ZNF804A: variants seen among roughly 807,000 people sequenced by gnomAD.
The protein encoded by ZNF804A is zinc finger protein 804A.
ZNF804A carries 2 observed loss-of-function variants against 16.5 expected under a neutral mutation model. That is an observed-to-expected ratio of 0.12 (90% CI 0.05 to 0.38). ZNF804A has a LOEUF of 0.38. ZNF804A is among the 10% of genes least tolerant of loss of function. The probability of loss-of-function intolerance (pLI) is 0.99; values close to 1 mark genes in which losing one functional copy is unlikely to be tolerated. For missense variants in ZNF804A, 1,473 were observed against 1,390.7 expected (o/e 1.06, Z -0.94); for synonymous variants, 534 against 489.6 (o/e 1.09, Z -1.20).
chr2:184,633,126 A>C (rs1419996748), intron 1 of ZNF804A, among the ~76,000 whole-genome samples: 1 of 152,120 alleles, frequency 6.6e-6, no homozygotes, highest in Non-Finnish European at 1.5e-5. Context: ...AGTTTATTCT[A>C]TGATGTTTGC....
At chr2:184,878,000 A>T (rs1342529547) in intron 2 of ZNF804A, among the ~76,000 whole-genome samples, 1 of 152,124 alleles carries the variant, frequency 6.6e-6, no homozygotes, top group East Asian at 1.9e-4. Flanking sequence ...ATACAAAGAA[A>T]GTAGGGATTC....
chr2:184,739,669 G>A (rs1693684092), intron 1 of ZNF804A, among the ~76,000 whole-genome samples: 1 of 152,180 alleles, frequency 6.6e-6, no homozygotes, highest in East Asian at 1.9e-4. Context: ...TGGGATGACA[G>A]GTGTGAGCCA....
At chr2:184,634,264 C>T (rs573683068) in intron 1 of ZNF804A, among the ~76,000 whole-genome samples, 32 of 151,994 alleles carry the variant, frequency 2.1e-4, no homozygotes, top group African/African-American at 7.5e-4. Context: ...TCAACCATAC[C>T]CAAATTTGGT....
chr2:184,689,483 G>T (rs1334229460), intron 1 of ZNF804A, among the ~76,000 whole-genome samples: 1 of 151,946 alleles, frequency 6.6e-6, no homozygotes, highest in East Asian at 1.9e-4. Flanking sequence ...AACTAGATTT[G>T]CCTAAAAATT....
chr2:184,899,490 A>T (rs1339920991), intron 2 of ZNF804A, among the ~76,000 whole-genome samples: 1 of 152,004 alleles, frequency 6.6e-6, no homozygotes, highest in African/African-American at 2.4e-5. Flanking sequence ...TCAAATGCAG[A>T]TGGCATGGAT....
At chr2:184,694,403 C>A (rs986675003) in intron 1 of ZNF804A, among the ~76,000 whole-genome samples, 1 of 152,062 alleles carries the variant, frequency 6.6e-6, no homozygotes, top group Non-Finnish European at 1.5e-5. Context: ...TGGTTTTTAC[C>A]ATTACATAAT....
intron 1 of ZNF804A, among the ~76,000 whole-genome samples, chr2:184,620,767 G>C (rs1359244857): frequency 6.6e-6 from 1 of 151,664 alleles, no homozygotes; most frequent in African/African-American, 2.4e-5. Context: ...GTAGAGAAGT[G>C]TCACAATTAT....
chr2:184,598,933 T>TGCGGCGGAGGAG lies in ZNF804A; in HGVS notation c.-19_-8dup. 6.8e-7 allele frequency: 1 copy of TGCGGCGGAGGAG among 1,479,198 alleles called. No homozygotes were observed. Among genetic ancestry groups the TGCGGCGGAGGAG allele is most frequent in the Non-Finnish European group, 9.2e-7 (1 of 1,089,920 alleles). The allele number at this position is 1,479,198 out of a possible 1,614,324, so 91.6% of individuals were successfully genotyped here. ...GCGCGGGGTGCGTGGAAGCGGCGGC[T>TGCGGCGGAGGAG]GCGGCGGAGGAGGCGGCGGCTGCCC... On this transcript the variant is annotated 5_prime_UTR_variant, in exon 1 of 4. Coordinates refer to ENST00000302277, the MANE Select transcript of ZNF804A (RefSeq NM_194250.2).
intron 1 of ZNF804A, among the ~76,000 whole-genome samples, chr2:184,676,205 G>A (rs1237239736): frequency 1.3e-5 from 2 of 151,388 alleles, no homozygotes; most frequent in South Asian, 2.1e-4. Context: ...ATATACTGAG[G>A]ACAATATGTC....
At chr2:184,719,294 T>C (rs544907716) in intron 1 of ZNF804A, among the ~76,000 whole-genome samples, 59 of 152,156 alleles carry the variant, frequency 3.9e-4, no homozygotes, top group African/African-American at 1.3e-3. Flanking sequence ...CATTTTTTTT[T>C]TCTCTTACAC....
intron 2 of ZNF804A, among the ~76,000 whole-genome samples, chr2:184,913,879 C>T (rs1215147748): frequency 6.6e-6 from 1 of 152,148 alleles, no homozygotes; most frequent in Non-Finnish European, 1.5e-5. Flanking sequence ...TAAACAGCTT[C>T]CTCTGATCAT....
intron 1 of ZNF804A, among the ~76,000 whole-genome samples, chr2:184,762,380 G>T (rs560982938): frequency 4.6e-5 from 7 of 151,630 alleles, no homozygotes; most frequent in African/African-American, 1.7e-4. Flanking sequence ...ATCGCATAAG[G>T]TCATGCATGT....
intron 1 of ZNF804A, among the ~76,000 whole-genome samples, chr2:184,844,294 T>G (rs1240069964): frequency 6.6e-6 from 1 of 152,026 alleles, no homozygotes; most frequent in African/African-American, 2.4e-5. Context: ...TCAATTAAGA[T>G]TCTGAAAAAA....
At chr2:184,681,767 T>A (rs1426275967) in intron 1 of ZNF804A, among the ~76,000 whole-genome samples, 5 of 152,264 alleles carry the variant, frequency 3.3e-5, no homozygotes, top group East Asian at 1.9e-4. Context: ...TTCTACTGAA[T>A]TAAAGGGGCA....
intron 1 of ZNF804A, among the ~76,000 whole-genome samples, chr2:184,671,991 G>C (rs1692345460): frequency 6.6e-6 from 1 of 152,168 alleles, no homozygotes; most frequent in African/African-American, 2.4e-5. Flanking sequence ...CTGATGTCTT[G>C]GTTCTCTTCA....
intron 1 of ZNF804A, among the ~76,000 whole-genome samples, chr2:184,815,128 C>T (rs1013770602): frequency 1.3e-5 from 2 of 151,878 alleles, no homozygotes; most frequent in African/African-American, 4.8e-5. Flanking sequence ...CCAATTACTA[C>T]AATTTGAAAG....
At chr2:184,724,371 G>A (rs951830603) in intron 1 of ZNF804A, among the ~76,000 whole-genome samples, 10 of 151,728 alleles carry the variant, frequency 6.6e-5, no homozygotes, top group African/African-American at 2.4e-4. Flanking sequence ...ATTTAAAAAT[G>A]TACACGATTT....
intron 1 of ZNF804A, among the ~76,000 whole-genome samples, chr2:184,824,099 T>C (rs1290493742): frequency 1.3e-5 from 2 of 152,122 alleles, no homozygotes; most frequent in African/African-American, 4.8e-5. Flanking sequence ...GGAAACAGAA[T>C]TTCCCTCACT....
At chr2:184,810,249 T>C (rs1694870288) in intron 1 of ZNF804A, among the ~76,000 whole-genome samples, 1 of 152,150 alleles carries the variant, frequency 6.6e-6, no homozygotes, top group Non-Finnish European at 1.5e-5. Context: ...GCAATTTTTA[T>C]AGAGAATTTG....
Sources: gnomAD v4.1 joint callset for allele counts (sites outside exome capture counted in the v4.1 genomes callset) on GRCh38, gnomAD v4.1.1 for gene constraint, MANE v1.5 for transcripts, NCBI Gene and HGNC (gene_info 2026-07-23, HGNC 2026-07-21) for gene names.